Variants in PRTFDC1 observed in about 807,000 individuals in gnomAD.
PRTFDC1 encodes phosphoribosyltransferase domain-containing protein 1.
In PRTFDC1, 38 loss-of-function variants were observed where a neutral mutation model predicts 34.6. That is an observed-to-expected ratio of 1.10 (90% CI 0.85 to 1.44). PRTFDC1 has a LOEUF of 1.44. Ranked by LOEUF, PRTFDC1 falls within the 40% of genes most tolerant of loss-of-function variation. The pLI is 0.00. For missense variants in PRTFDC1, 270 were observed against 283.0 expected (o/e 0.95, Z 0.33); for synonymous variants, 93 against 98.1 (o/e 0.95, Z 0.31).
intron 6 of PRTFDC1, 60 bp downstream of exon 6, chr10:24,856,853 C>T: frequency 7.2e-7 from 1 of 1,392,452 alleles, no homozygotes. Flanking sequence ...CCTGTGTTAG[C>T]ATCCCTTTTG....
intron 3 of PRTFDC1, among the ~76,000 whole-genome samples, chr10:24,923,296 G>C (rs150695921): frequency 3.3e-5 from 5 of 152,168 alleles, no homozygotes; most frequent in African/African-American, 1.2e-4. Flanking sequence ...AGAGAGCAGT[G>C]GTTCTCCCAG....
At chr10:24,900,908 C>A (rs112394048) in intron 3 of PRTFDC1, among the ~76,000 whole-genome samples, 2 of 152,120 alleles carry the variant, frequency 1.3e-5, no homozygotes, top group Admixed American at 1.3e-4. Context: ...CATGACCCTA[C>A]GAAAGGAGAC....
At chr10:24,871,048 G>C (rs533109744) in intron 4 of PRTFDC1, among the ~76,000 whole-genome samples, 1 of 147,574 alleles carries the variant, frequency 6.8e-6, no homozygotes, top group South Asian at 2.2e-4. Context: ...CTCCAACCTG[G>C]GGACAGAGCA....
At chr10:24,933,463 A>G (rs12571791) in intron 3 of PRTFDC1, among the ~76,000 whole-genome samples, 22,199 of 152,122 alleles carry the variant, frequency 0.15, 1,854 homozygotes, top group East Asian at 0.28. Flanking sequence ...CAAAAAAGCT[A>G]TATGAATAGC....
intron 3 of PRTFDC1, among the ~76,000 whole-genome samples, chr10:24,899,356 T>C (rs41408444): frequency 0.12 from 17,712 of 152,180 alleles, 1,266 homozygotes; most frequent in East Asian, 0.29. Context: ...CTTATTTTAT[T>C]GCAAGTGAAG....
chr10:24,882,496 C>CA (rs1848095133), intron 3 of PRTFDC1, among the ~76,000 whole-genome samples: 1 of 152,134 alleles, frequency 6.6e-6, no homozygotes, highest in Non-Finnish European at 1.5e-5. Flanking sequence ...CTTGTAAGCG[C>CA]GCATGTTAGC....
chr10:24,941,593 A>G (rs1849158732), intron 2 of PRTFDC1, among the ~76,000 whole-genome samples: 1 of 152,206 alleles, frequency 6.6e-6, no homozygotes, highest in Non-Finnish European at 1.5e-5. Context: ...ATAAAGCTTA[A>G]GAATATGCAT....
intron 3 of PRTFDC1, among the ~76,000 whole-genome samples, chr10:24,936,486 A>G (rs1042146566): frequency 3.3e-5 from 5 of 152,120 alleles, no homozygotes; most frequent in African/African-American, 1.2e-4. Flanking sequence ...GGGACTCACT[A>G]TGTTGCCCAG....
chr10:24,914,060 T>A (rs1007879491), intron 3 of PRTFDC1, among the ~76,000 whole-genome samples: 1 of 152,198 alleles, frequency 6.6e-6, no homozygotes, highest in Non-Finnish European at 1.5e-5. Context: ...CCCTATGAAT[T>A]TCTTGGCCAA....
intron 3 of PRTFDC1, among the ~76,000 whole-genome samples, chr10:24,935,653 G>C (rs576439844): frequency 2.6e-4 from 39 of 152,288 alleles, no homozygotes; most frequent in Middle Eastern, 3.4e-3. Flanking sequence ...CCAAAGATTA[G>C]GTGACTAGTC....
intron 4 of PRTFDC1, among the ~76,000 whole-genome samples, chr10:24,859,847 A>G (rs978476381): frequency 6.6e-6 from 1 of 152,248 alleles, no homozygotes. Context: ...ATGCCTGCAT[A>G]TAAATGCTCA....
chr10:24,949,823 C>T (rs1475335928), intron 1 of PRTFDC1, among the ~76,000 whole-genome samples: 1 of 151,718 alleles, frequency 6.6e-6, no homozygotes, highest in Non-Finnish European at 1.5e-5. Flanking sequence ...CAACCTCCAC[C>T]TTCCGGATTC....
chr10:24,914,043 A>G lies in PRTFDC1; in HGVS notation c.339+23141T>C, dbSNP rs1373174328. Among the ~76,000 whole-genome samples, 3 of 152,348 alleles carry G rather than the reference A, an allele frequency of 2.0e-5. No individual in the cohort carries two copies. The East Asian group carries it at 5.8e-4, about 29-fold the overall frequency. On this transcript the variant is annotated intron_variant, in intron 3 of 8. Coordinates refer to ENST00000320152, the MANE Select transcript of PRTFDC1 (RefSeq NM_020200.7). ...AGTAGGAAAAGTGAAATCCAAAACT[A>G]ACACTGCCCTATGAATTTCTTGGCC...
intron 1 of PRTFDC1, among the ~76,000 whole-genome samples, chr10:24,945,653 G>A (rs939378388): frequency 6.6e-6 from 1 of 152,082 alleles, no homozygotes; most frequent in Non-Finnish European, 1.5e-5. Flanking sequence ...GACGAGGTCT[G>A]GCTATGTTGC....
chr10:24,887,782 T>C (rs1444460743), intron 3 of PRTFDC1, among the ~76,000 whole-genome samples: 2 of 152,152 alleles, frequency 1.3e-5, no homozygotes, highest in Non-Finnish European at 2.9e-5. Context: ...CCACCACAAC[T>C]GTAGGCCAGA....
intron 3 of PRTFDC1, among the ~76,000 whole-genome samples, chr10:24,887,480 G>A (rs866854002): frequency 4.6e-5 from 7 of 151,816 alleles, no homozygotes; most frequent in African/African-American, 1.5e-4. Context: ...CTCTCCCTTC[G>A]CTCTGCACTT....
intron 1 of PRTFDC1, among the ~76,000 whole-genome samples, chr10:24,946,647 A>G (rs1849255215): frequency 6.6e-6 from 1 of 152,218 alleles, no homozygotes; most frequent in Non-Finnish European, 1.5e-5. Context: ...TGCCTGCCTC[A>G]TATGGCTATG....
At chr10:24,890,107 A>G (rs894005361) in intron 3 of PRTFDC1, among the ~76,000 whole-genome samples, 1 of 152,264 alleles carries the variant, frequency 6.6e-6, no homozygotes, top group African/African-American at 2.4e-5. Flanking sequence ...AGGACCCCTA[A>G]GGAAATGAGA....
chr10:24,922,452 A>C (rs1416736914), intron 3 of PRTFDC1, among the ~76,000 whole-genome samples: 1 of 152,200 alleles, frequency 6.6e-6, no homozygotes, highest in Non-Finnish European at 1.5e-5. Context: ...ACCCTGTGGG[A>C]AGTAATTGAA....
Sources: allele counts gnomAD v4.1 joint callset (sites outside exome capture counted in the v4.1 genomes callset), GRCh38; gene constraint gnomAD v4.1.1; transcripts MANE v1.5; gene names NCBI Gene and HGNC (gene_info 2026-07-23, HGNC 2026-07-21).